Variants in DNAH1 observed in about 807,000 individuals in gnomAD.
DNAH1 encodes dynein axonemal heavy chain 1.
Under a neutral mutation model 484.3 loss-of-function variants are expected in DNAH1, and 327 were observed. The observed-to-expected ratio is 0.68, with a 90% CI of 0.62 to 0.74. The LOEUF (loss-of-function observed/expected upper bound fraction) is 0.74. Ranked by LOEUF, DNAH1 falls within the 30% of genes least tolerant of loss-of-function variation. DNAH1 has a pLI of 0.00. For synonymous variants in DNAH1, 2,192 were observed against 2,191.9 expected, an observed-to-expected ratio of 1.00 and a Z score of 0.00; for missense variants, 5,052 against 5,546.8, an observed-to-expected ratio of 0.91 and a Z score of 2.83.
At position 52,353,324 on chromosome 3, in the gene DNAH1, C is replaced by A; in HGVS notation, c.3226+23C>A. The A allele has an allele frequency of 1.2e-6, 2 of 1,609,144 alleles. No individual in the cohort carries two copies. Among genetic ancestry groups the A allele is most frequent in the Non-Finnish European group, 1.7e-6 (2 of 1,176,496 alleles). On this transcript the variant is annotated intron_variant, in intron 19 of 77. Transcript: ENST00000420323. The surrounding 1 kb of genome is among the most constrained non-coding windows in gnomAD (Gnocchi z 5.0). Reference sequence around the variant, plus strand: ...CAGGTAGGGAGCCAAGCCGGCCAATCCCCTCCTCCCTGCCTCTGCCGCCTG... The same window carrying A: ...CAGGTAGGGAGCCAAGCCGGCCAATACCCTCCTCCCTGCCTCTGCCGCCTG...
intron 22 of DNAH1, among the ~76,000 whole-genome samples, chr3:52,357,255 T>C (rs1391107881): frequency 1.3e-5 from 2 of 152,132 alleles, no homozygotes; most frequent in African/African-American, 2.4e-5. Flanking sequence ...GATTTCACCA[T>C]GTTGGTCAGG....
Position 52,370,100 on chromosome 3 carries a change from C to T in DNAH1, c.6139-10C>T, listed in dbSNP as rs548409042. The T allele has an allele frequency of 1.4e-4, 232 of 1,613,968 alleles. No homozygotes were observed. The East Asian group carries it at 4.7e-3, about 32-fold the overall frequency. ...GCCAGCCATGAGAACTGGGTGCCTA[C>T]TCCCTGCAGGAATCCATCTCCTTCG... On this transcript the variant is annotated splice_polypyrimidine_tract_variant and intron_variant, in intron 38 of 77. Coordinates refer to ENST00000420323, the MANE Select transcript of DNAH1 (RefSeq NM_015512.5).
At chr3:52,389,031 G>C (rs939092428) in intron 59 of DNAH1, 94 bp downstream of exon 59, 28 of 1,408,158 alleles carry the variant, frequency 2.0e-5, no homozygotes, top group Middle Eastern at 2.6e-4. Context: ...GCAGCCTGCA[G>C]GTGGCTCTCC....
intron 45 of DNAH1, among the ~76,000 whole-genome samples, chr3:52,375,618 G>A (rs2153224923): frequency 6.6e-6 from 1 of 152,302 alleles, no homozygotes; most frequent in Admixed American, 6.5e-5. Flanking sequence ...TACCATTCCA[G>A]GTCGTGAGGG....
Position 52,375,415 on chromosome 3 carries a change from T to C in DNAH1, c.7159+2T>C. 1 of 1,611,468 alleles carries C rather than the reference T, an allele frequency of 6.2e-7. No homozygotes were observed. The highest frequency in any genetic ancestry group is 8.5e-7 in the Non-Finnish European group (1 of 1,179,170). The stretch of plus-strand genomic sequence containing the variant: ...CCACCATCCTGGGCAACTGGTTGGG[T>C]GAGTATTGGTGGGGGTGAGCATGGA... On this transcript the variant is annotated splice_donor_variant, in intron 45 of 77. Transcript: ENST00000420323. LOFTEE classifies it high-confidence loss of function.
Position 52,365,093 on chromosome 3 carries a change from G to A in DNAH1, c.5518+74G>A, listed in dbSNP as rs1312663126. On this transcript the variant is annotated intron_variant, in intron 34 of 77. Transcript: ENST00000420323. Reference sequence around the variant, plus strand: ...TTGGAGTCCAGGTCAGGGGGACAGAGACAGGACAGTCCAACCCCAGGGGCC... The same window carrying A: ...TTGGAGTCCAGGTCAGGGGGACAGAAACAGGACAGTCCAACCCCAGGGGCC... The A allele has an allele frequency of 3.3e-6, 5 of 1,536,876 alleles. No individual in the cohort carries two copies. The East Asian group carries it at 1.1e-4, about 35-fold the overall frequency.
At position 52,381,780 on chromosome 3, in the gene DNAH1, CCTG is replaced by C. The variant is rs1703857468; in HGVS notation, c.7753_7755del (p.Leu2585del). 1 of 1,605,964 alleles carries C rather than the reference CCTG, an allele frequency of 6.2e-7. No homozygotes were observed. Among genetic ancestry groups the C allele is most frequent in the South Asian group, 1.1e-5 (1 of 89,254 alleles). ...TACGCCAGGCGCTGGGCAATGCACT[CCTG>C]CTGGGCGTGGGTGGCAGCGGCCGCA... On this transcript the variant is annotated inframe_deletion, in exon 49 of 78. Coordinates refer to ENST00000420323, the MANE Select transcript of DNAH1 (RefSeq NM_015512.5). This position sits in a 1 kb window ranked among gnomAD's most constrained non-coding sequence, Gnocchi z 4.1.
rs749647616 is a variant in DNAH1 at position 52,370,029 on chromosome 3, G to T, written c.6138+10G>T. ...TGTCAGCTTCCTGGAGGTGAGTGAG[G>T]CCACGGGTATGTCTGACCCTGGCAG... is the stretch of plus-strand genomic sequence containing the variant. On this transcript the variant is annotated intron_variant, in intron 38 of 77. Coordinates refer to ENST00000420323, the MANE Select transcript of DNAH1 (RefSeq NM_015512.5). 3.7e-6 allele frequency: 6 copies of T among 1,612,782 alleles called. No homozygotes were observed. The Admixed American group carries it at 1.0e-4, about 27-fold the overall frequency.
At chr3:52,348,081 T>C (rs964756182) in intron 12 of DNAH1, 107 bp downstream of exon 12, 3 of 1,203,154 alleles carry the variant, frequency 2.5e-6, no homozygotes, top group Admixed American at 2.6e-5. Flanking sequence ...AGGCCTCCTG[T>C]CGGGCAGGCA....
intron 11 of DNAH1, 54 bp downstream of exon 11, chr3:52,346,824 C>T: frequency 6.5e-7 from 1 of 1,539,576 alleles, no homozygotes. Flanking sequence ...GTGTCACCTG[C>T]TGGGGATGGA....
chr3:52,369,666 A>G (rs1324313449), intron 37 of DNAH1, among the ~76,000 whole-genome samples, 159 bp from the exon 38 acceptor site: 1 of 151,912 alleles, frequency 6.6e-6, no homozygotes, highest in Admixed American at 6.6e-5. Flanking sequence ...TCAGCTGAGG[A>G]CCCAGCGGTT....
chr3:52,388,887 G>A lies in DNAH1; in HGVS notation c.9445G>A (p.Gly3149Ser), dbSNP rs749213528. The A allele has an allele frequency of 3.7e-6, 6 of 1,613,302 alleles. No homozygotes were observed. Among genetic ancestry groups the A allele is most frequent in the Admixed American group, 3.3e-5 (2 of 60,002 alleles). ...GCAGTACATGCTCAACAACATCTCC[G>A]GCGATGTCCTGGTGGCCGCTGGCTT... ...NLQYMLNNIS[G>S]DVLVAAGFVA... The change falls in exon 59 of 78, where the codon GGC becomes AGC. Residue 3149 changes from glycine (G) to serine (S), a missense_variant. By Grantham distance (56) the Gly-to-Ser change is moderately conservative. Transcript: ENST00000420323.
rs140775615 is a variant in DNAH1 at position 52,362,025 on chromosome 3, C to T, written c.4980+259C>T. Among the ~76,000 whole-genome samples, 18 of 152,328 alleles carry T rather than the reference C, an allele frequency of 1.2e-4. No individual in the cohort carries two copies. In the East Asian group the frequency reaches 2.9e-3, roughly 25 times the overall value. On this transcript the variant is annotated intron_variant, in intron 30 of 77. Coordinates refer to ENST00000420323, the MANE Select transcript of DNAH1 (RefSeq NM_015512.5). The surrounding 1 kb of genome is among the most constrained non-coding windows in gnomAD (Gnocchi z 5.1). ...GTCCTTTCTCTAGCCACGTGCAGGG[C>T]GGCCAGGGACCTTGTTCTGGGGACA...
At chr3:52,314,371 C>T (rs562559890), upstream of DNAH1, among the ~76,000 whole-genome samples, 4 of 152,298 alleles carry the variant, frequency 2.6e-5, no homozygotes, top group South Asian at 4.1e-4. Flanking sequence ...GCTCCTGGAG[C>T]GCAGAGCCTC....
chr3:52,397,864 A>G lies in DNAH1; in HGVS notation c.11945A>G (p.Gln3982Arg), dbSNP rs544585524. The G allele has an allele frequency of 6.2e-7, 1 of 1,603,910 alleles. No homozygotes were observed. Among genetic ancestry groups the G allele is most frequent in the Admixed American group, 1.7e-5 (1 of 59,274 alleles). Reference protein sequence around the residue: ...LQPKSSSAGSQGREEIVEDVT... With the variant: ...LQPKSSSAGSRGREEIVEDVT... ...CCCAAATCATCTTCTGCAGGCAGCC[A>G]GGGCCGGGAGGAGGTGGGTGGTGTC... Residue 3982 changes from glutamine to arginine, a missense_variant, in exon 74 of 78, where the codon CAG becomes CGG. Physicochemically the swap from Gln to Arg is conservative, Grantham distance 43. Around this residue, in one of 4 missense-constraint regions of DNAH1, gnomAD observed 853 missense variants for 899.0 expected, o/e 0.95. Transcript: ENST00000420323.
Position 52,370,037 on chromosome 3 carries a change from T to C in DNAH1, c.6138+18T>C, listed in dbSNP as rs367691531. On this transcript the variant is annotated intron_variant, in intron 38 of 77. Transcript: ENST00000420323. The stretch of plus-strand genomic sequence containing the variant: ...TCCTGGAGGTGAGTGAGGCCACGGG[T>C]ATGTCTGACCCTGGCAGGGCAGCAG... 1.3e-5 allele frequency: 21 copies of C among 1,612,872 alleles called. No homozygotes were observed. The highest frequency in any genetic ancestry group is 1.7e-5 in the Non-Finnish European group (20 of 1,179,160).
rs758491476 is a variant in DNAH1 at position 52,394,708 on chromosome 3, G to A, written c.10823+47G>A. 10 of 1,531,872 alleles carry A rather than the reference G, an allele frequency of 6.5e-6. 1 individual carries two copies. Among genetic ancestry groups the A allele is most frequent in the Middle Eastern group, 3.5e-4 (2 of 5,670 alleles). 94.9% of individuals were successfully genotyped at this position (1,531,872 alleles called of 1,614,324 possible). A position where few individuals can be genotyped will look rare whatever the true frequency, so the allele number is the denominator to read the frequency against. On this transcript the variant is annotated intron_variant, in intron 67 of 77. Transcript: ENST00000420323. ...GGCAGGATGAGCCCATCGAGGGGAT[G>A]AGTCCCTAGGAAAGGCTTGTCTGGG...
Position 52,373,003 on chromosome 3 carries a change from T to C in DNAH1, c.6935T>C (p.Leu2312Pro), listed in dbSNP as rs1385910423. Residue 2312 changes from leucine to proline, a missense_variant, in exon 44 of 78, where the codon CTG (leucine) becomes CCG (proline). Transcript: ENST00000420323. ...TACGGTGCACAGCCACCCATCGAGC[T>C]GTTGCGCCAGTGGATGGACCACGGC... Reference protein sequence around the residue: ...ETYGAQPPIELLRQWMDHGGW... With the variant: ...ETYGAQPPIEPLRQWMDHGGW... 6.2e-7 allele frequency: 1 copy of C among 1,613,602 alleles called. No homozygotes were observed. The highest frequency in any genetic ancestry group is 8.5e-7 in the Non-Finnish European group (1 of 1,179,830).
intron 8 of DNAH1, among the ~76,000 whole-genome samples, chr3:52,343,253 G>A (rs962999855): frequency 1.3e-5 from 2 of 152,086 alleles, no homozygotes; most frequent in Admixed American, 6.5e-5. Context: ...GAAGTCAAGG[G>A]GCGGCTTCTA....
Sources: gnomAD v4.1 joint callset for allele counts (sites outside exome capture counted in the v4.1 genomes callset) on GRCh38, gnomAD v4.1.1 for gene constraint, gnomAD v4.1.1 regional missense constraint, Gnocchi (gnomAD v3.1) non-coding constraint, MANE v1.5 for transcripts, NCBI Gene and HGNC (gene_info 2026-07-23, HGNC 2026-07-21) for gene names.